TRIP4: variants seen among roughly 807,000 people sequenced by gnomAD.
TRIP4 encodes thyroid hormone receptor interactor 4.
A neutral mutation model predicts 81.8 loss-of-function variants in TRIP4; 54 were observed. That is an observed-to-expected ratio of 0.66 (90% CI 0.53 to 0.83). The LOEUF (loss-of-function observed/expected upper bound fraction) is 0.83. Among genes scored for constraint, TRIP4 ranks in the 40% least tolerant of loss-of-function variants. The probability of loss-of-function intolerance (pLI) is 0.00; values close to 1 mark genes in which losing one functional copy is unlikely to be tolerated. For synonymous variants in TRIP4, 270 were observed against 242.8 expected, an observed-to-expected ratio of 1.11 and a Z score of -1.04; for missense variants, 662 against 683.6, an observed-to-expected ratio of 0.97 and a Z score of 0.35.
At chr15:64,395,593 T>G in intron 3 of TRIP4, 62 bp downstream of exon 3, 1 of 1,530,436 alleles carries the variant, frequency 6.5e-7, no homozygotes, top group Non-Finnish European at 8.8e-7. Context: ...ACTAATACAT[T>G]TCAGAGAGCA....
At chr15:64,410,063 T>G (rs1286935573) in intron 7 of TRIP4, among the ~76,000 whole-genome samples, 3 of 150,482 alleles carry the variant, frequency 2.0e-5, no homozygotes, top group Non-Finnish European at 4.4e-5. Flanking sequence ...TCTCGCTTTG[T>G]TGCCCAGGCT....
At position 64,449,416 on chromosome 15, in the gene TRIP4, G is replaced by T. The variant is rs540077632; in HGVS notation, c.1678+4308G>T. Among the ~76,000 whole-genome samples, 3 of 151,582 alleles carry T rather than the reference G, an allele frequency of 2.0e-5. No homozygotes were observed. The East Asian group carries it at 5.8e-4, about 29-fold the overall frequency. On this transcript the variant is annotated intron_variant, in intron 12 of 12. Transcript: ENST00000261884. The stretch of plus-strand genomic sequence containing the variant: ...GGGTCTCACTGTGTTGCCTAGACTG[G>T]CCTTGAACTCTGGGCTCAAGAGATC...
chr15:64,425,809 G>A (rs1016361325), intron 11 of TRIP4, among the ~76,000 whole-genome samples, 178 bp downstream of exon 11: 13 of 152,098 alleles, frequency 8.5e-5, no homozygotes, highest in Non-Finnish European at 1.6e-4. Flanking sequence ...CAGGCCGGGC[G>A]CTGGTGGCTC....
At chr15:64,418,833 T>A in intron 9 of TRIP4, 105 bp downstream of exon 9, 1 of 1,053,202 alleles carries the variant, frequency 9.5e-7, no homozygotes, top group Non-Finnish European at 1.3e-6. Flanking sequence ...TGATGATTTA[T>A]AATACTCTTC....
intron 12 of TRIP4, among the ~76,000 whole-genome samples, chr15:64,451,900 G>A (rs1892772923): frequency 6.7e-6 from 1 of 149,488 alleles, no homozygotes; most frequent in South Asian, 2.1e-4. Flanking sequence ...TGATCTGCCT[G>A]TCTCGGCCTC....
At chr15:64,448,229 C>G (rs1322146493) in intron 12 of TRIP4, among the ~76,000 whole-genome samples, 1 of 152,116 alleles carries the variant, frequency 6.6e-6, no homozygotes, top group Non-Finnish European at 1.5e-5. Flanking sequence ...TGCCTAAAGT[C>G]CTGTGAGAAA....
Position 64,431,847 on chromosome 15 carries a change from A to ATATTTTTTTTTTTTTTTTTTT in TRIP4, c.1575+6217_1575+6218insATTTTTTTTTTTTTTTTTTTT. On this transcript the variant is annotated intron_variant, in intron 11 of 12. Transcript: ENST00000261884. ...CCATTTATATTATATATATATATAT[A>ATATTTTTTTTTTTTTTTTTTT]TTTTTTTTATCCAAAGAGCATTGTG... is the stretch of plus-strand genomic sequence containing the variant. Among the ~76,000 whole-genome samples, 11 of 119,550 alleles carry ATATTTTTTTTTTTTTTTTTTT rather than the reference A, an allele frequency of 9.2e-5. 1 individual carries two copies. The highest frequency in any genetic ancestry group is 3.6e-4 in the African/African-American group (11 of 30,772). The allele number at this position is 119,550 out of a possible 152,430, so 78.4% of individuals were successfully genotyped here. A position where few individuals can be genotyped will look rare whatever the true frequency, so the allele number is the denominator to read the frequency against.
intron 1 of TRIP4, among the ~76,000 whole-genome samples, chr15:64,388,664 G>T (rs888621177): frequency 1.3e-5 from 2 of 152,184 alleles, no homozygotes; most frequent in African/African-American, 4.8e-5. Flanking sequence ...AGCCAACAGG[G>T]TCAGCTGTGT....
intron 8 of TRIP4, among the ~76,000 whole-genome samples, chr15:64,415,995 A>G (rs1891884358): frequency 6.6e-6 from 1 of 152,230 alleles, no homozygotes; most frequent in African/African-American, 2.4e-5. Context: ...TTGCAATAGC[A>G]CCATGGAAAG....
chr15:64,408,290 G>C (rs1262685527), intron 6 of TRIP4, among the ~76,000 whole-genome samples: 1 of 101,838 alleles, frequency 9.8e-6, no homozygotes, highest in African/African-American at 3.9e-5. Context: ...ATGGAGTCTT[G>C]CTCTGTCGCC....
chr15:64,416,309 C>G (rs1891890051), intron 8 of TRIP4, among the ~76,000 whole-genome samples: 1 of 152,064 alleles, frequency 6.6e-6, no homozygotes, highest in Non-Finnish European at 1.5e-5. Flanking sequence ...ATAGTATTAT[C>G]AAAAGATAAT....
rs775671199 is a variant in TRIP4 at position 64,409,594 on chromosome 15, T to C, written c.828-19T>C. 17 of 1,610,546 alleles carry C rather than the reference T, an allele frequency of 1.1e-5. No homozygotes were observed. The African/African-American group carries it at 1.6e-4, about 15-fold the overall frequency. On this transcript the variant is annotated intron_variant, in intron 6 of 12. Transcript: ENST00000261884. Reference sequence around the variant, plus strand: ...TTGTCAACAGATGACCTAATTACCATGTGTTCCCTTTTTCTCAGTATTCGA... The same window carrying C: ...TTGTCAACAGATGACCTAATTACCACGTGTTCCCTTTTTCTCAGTATTCGA...
intron 1 of TRIP4, among the ~76,000 whole-genome samples, chr15:64,389,192 A>G (rs530851982): frequency 1.2e-4 from 18 of 152,312 alleles, no homozygotes; most frequent in African/African-American, 4.1e-4. Context: ...CGAAGAACTG[A>G]AAGTGTTCCT....
chr15:64,421,245 G>T (rs1247026357), intron 9 of TRIP4, among the ~76,000 whole-genome samples: 1 of 149,936 alleles, frequency 6.7e-6, no homozygotes, highest in Non-Finnish European at 1.5e-5. Context: ...TTGCATCATT[G>T]CACTCCAGCC....
At chr15:64,401,837 T>G (rs1471258403) in intron 5 of TRIP4, among the ~76,000 whole-genome samples, 1 of 152,112 alleles carries the variant, frequency 6.6e-6, no homozygotes, top group Non-Finnish European at 1.5e-5. Context: ...ACAAGCACGA[T>G]CCACCAATGG....
chr15:64,400,623 A>G, intron 4 of TRIP4, 120 bp from the exon 5 acceptor site: 4 of 708,498 alleles, frequency 5.6e-6, no homozygotes, highest in Non-Finnish European at 9.3e-6. Context: ...ATTAAAAAAC[A>G]CCAATAGTCT....
intron 8 of TRIP4, among the ~76,000 whole-genome samples, chr15:64,416,313 A>G (rs1246676783): frequency 1.3e-5 from 2 of 152,228 alleles, no homozygotes; most frequent in African/African-American, 4.8e-5. Flanking sequence ...TATTATCAAA[A>G]GATAATGAGG....
rs145156894 is a variant in TRIP4 at position 64,396,979 on chromosome 15, A to G, written c.406-627A>G. Among the ~76,000 whole-genome samples, 30 of 152,220 alleles carry G rather than the reference A, an allele frequency of 2.0e-4. No individual in the cohort carries two copies. The East Asian group carries it at 3.1e-3, about 16-fold the overall frequency. ...TATTGCATTTTGTTTTCGTTTTTGC[A>G]TTATTTTGACGACTAATGAAATTGA... On this transcript the variant is annotated intron_variant, in intron 3 of 12. Transcript: ENST00000261884.
intron 11 of TRIP4, among the ~76,000 whole-genome samples, chr15:64,442,192 C>A (rs1892531852): frequency 2.1e-5 from 2 of 96,974 alleles, no homozygotes; most frequent in African/African-American, 2.9e-5. Flanking sequence ...ATGGCGTGAT[C>A]TGATACAAAA....
Sources: allele counts gnomAD v4.1 joint callset (sites outside exome capture counted in the v4.1 genomes callset), GRCh38; gene constraint gnomAD v4.1.1; transcripts MANE v1.5; gene names NCBI Gene and HGNC (gene_info 2026-07-23, HGNC 2026-07-21).